Variants in GLG1 observed in about 807,000 individuals in gnomAD.
GLG1 encodes the protein golgi glycoprotein 1, also known as Golgi apparatus protein 1.
Under a neutral mutation model 160.5 loss-of-function variants are expected in GLG1, and 38 were observed. The ratio of observed to expected loss-of-function variants is 0.24; its 90% CI spans 0.18 to 0.31. The LOEUF is 0.31. Among genes scored for constraint, GLG1 ranks in the 10% least tolerant of loss-of-function variants. The pLI, the probability that GLG1 is intolerant of heterozygous loss-of-function variation, is 1.00. For synonymous variants in GLG1, 644 were observed against 543.4 expected (o/e 1.19, Z -2.57); for missense variants, 1,373 against 1,505.2 (o/e 0.91, Z 1.45).
chr16:74,526,628 G>A (rs959003491), intron 2 of GLG1, among the ~76,000 whole-genome samples: 18 of 152,176 alleles, frequency 1.2e-4, no homozygotes, highest in Non-Finnish European at 2.2e-4. Flanking sequence ...GGAGGCTGAG[G>A]TGGGAGGATC....
intron 1 of GLG1, among the ~76,000 whole-genome samples, chr16:74,533,939 G>A (rs959915522): frequency 6.6e-6 from 1 of 152,096 alleles, no homozygotes; most frequent in African/African-American, 2.4e-5. Context: ...TAAAGAAAAG[G>A]CAATAAAGAA....
At chr16:74,521,481 C>T (rs568293278) in intron 2 of GLG1, among the ~76,000 whole-genome samples, 17 of 151,956 alleles carry the variant, frequency 1.1e-4, no homozygotes, top group African/African-American at 4.1e-4. Context: ...CAAGGAGCAG[C>T]CAGAAGATTA....
intron 6 of GLG1, among the ~76,000 whole-genome samples, chr16:74,493,548 A>C (rs1326050541): frequency 1.3e-5 from 2 of 152,260 alleles, no homozygotes; most frequent in Non-Finnish European, 2.9e-5. Context: ...TTAAAATACA[A>C]TTATTCAATT....
intron 2 of GLG1, among the ~76,000 whole-genome samples, chr16:74,528,477 G>A (rs980505549): frequency 6.6e-6 from 1 of 151,926 alleles, no homozygotes; most frequent in African/African-American, 2.4e-5. Flanking sequence ...CTGCCTGCTT[G>A]TTGAGTTTTC....
intron 13 of GLG1, 21 bp from the exon 14 acceptor site, chr16:74,472,432 T>C: frequency 6.4e-7 from 1 of 1,557,830 alleles, no homozygotes; most frequent in Non-Finnish European, 8.8e-7. Flanking sequence ...TTAAATATAT[T>C]AATACTTCTG....
intron 1 of GLG1, among the ~76,000 whole-genome samples, chr16:74,569,436 GCTGCTTATCAA>G (rs1439591766): frequency 6.6e-6 from 1 of 152,150 alleles, no homozygotes; most frequent in African/African-American, 2.4e-5. Flanking sequence ...AACAATGCCA[GCTGCTTATCAA>G]CTGTCATTCA....
intron 1 of GLG1, among the ~76,000 whole-genome samples, chr16:74,554,951 G>C (rs963502029): frequency 1.3e-5 from 2 of 152,146 alleles, no homozygotes; most frequent in African/African-American, 4.8e-5. Context: ...AGGAGTTTGA[G>C]GCTGCAATGA....
rs1028886982 is a variant in GLG1 at position 74,452,175 on chromosome 16, C to T, written c.*992G>A. On this transcript the variant is annotated 3_prime_UTR_variant, in exon 26 of 26. Coordinates refer to ENST00000422840, the MANE Select transcript of GLG1 (RefSeq NM_001145667.2). ...TGAGTCAAACCTCTGGCTCCCACTT[C>T]CTGACCCACTGCTCCCCACACCCAT... 8.7e-6 allele frequency: 14 copies of T among 1,605,124 alleles called. No homozygotes were observed. The highest frequency in any genetic ancestry group is 1.2e-5 in the Non-Finnish European group (14 of 1,175,582).
intron 2 of GLG1, among the ~76,000 whole-genome samples, chr16:74,514,353 T>A (rs1156269748): frequency 6.6e-6 from 1 of 151,960 alleles, no homozygotes; most frequent in Non-Finnish European, 1.5e-5. Context: ...TTCACCAAGG[T>A]TGAAATGAAG....
chr16:74,496,723 C>G, intron 4 of GLG1, 79 bp from the exon 5 acceptor site: 1 of 735,940 alleles, frequency 1.4e-6, no homozygotes, highest in Non-Finnish European at 2.4e-6. Context: ...TACACACACA[C>G]ACACACACAC....
chr16:74,561,661 G>A (rs1415847287), intron 1 of GLG1, among the ~76,000 whole-genome samples: 4 of 152,154 alleles, frequency 2.6e-5, no homozygotes, highest in Non-Finnish European at 5.9e-5. Context: ...TATGTTCCAA[G>A]TCAAATTACC....
intron 2 of GLG1, among the ~76,000 whole-genome samples, chr16:74,522,617 G>C (rs1385589841): frequency 6.6e-6 from 1 of 152,084 alleles, no homozygotes; most frequent in Non-Finnish European, 1.5e-5. Flanking sequence ...TACACTGTCA[G>C]ACGTATGTAT....
intron 8 of GLG1, among the ~76,000 whole-genome samples, chr16:74,487,610 TA>T (rs2015839018): frequency 6.6e-6 from 1 of 151,986 alleles, no homozygotes; most frequent in African/African-American, 2.4e-5. Flanking sequence ...ATCGAATGAT[TA>T]CCAATGTTAC....
chr16:74,580,557 C>T (rs1405578409), intron 1 of GLG1, among the ~76,000 whole-genome samples: 1 of 152,012 alleles, frequency 6.6e-6, no homozygotes, highest in Non-Finnish European at 1.5e-5. Context: ...AATGTAAGAT[C>T]TAAAACTACA....
At position 74,496,492 on chromosome 16, in the gene GLG1, G is replaced by A. The variant is rs143259113; in HGVS notation, c.927C>T (p.Asp309=). The A allele has an allele frequency of 6.9e-4, 1,118 of 1,613,968 alleles. 1 individual carries two copies. Among genetic ancestry groups the A allele is most frequent in the Middle Eastern group, 1.8e-3 (11 of 6,062 alleles). ...AELSSDDFHL[D]RHLYFACRDD... Reference sequence around the variant, plus strand: ...CTCGGCAAGCAAAATATAAATGCCGGTCTAAGTGAAAGTCATCCGATGACA... The same window carrying A: ...CTCGGCAAGCAAAATATAAATGCCGATCTAAGTGAAAGTCATCCGATGACA... Residue 309 remains aspartate (D), a synonymous_variant, in exon 5 of 26, where the codon GAC becomes GAT. Transcript: ENST00000422840.
intron 11 of GLG1, among the ~76,000 whole-genome samples, chr16:74,479,398 C>A (rs891089638): frequency 6.7e-6 from 1 of 149,052 alleles, no homozygotes; most frequent in African/African-American, 2.5e-5. Context: ...AGAAAGATGC[C>A]GGGATGTGGG....
At chr16:74,567,554 CTTTTTTTT>C (rs869140658) in intron 1 of GLG1, among the ~76,000 whole-genome samples, 2 of 66,452 alleles carry the variant, frequency 3.0e-5, no homozygotes, top group Non-Finnish European at 5.2e-5. Context: ...GGTGCACTTT[CTTTTTTTT>C]TTTTTTTTTT....
At chr16:74,456,412 G>A (rs1490268802) in intron 25 of GLG1, 7 of 448,562 alleles carry the variant, frequency 1.6e-5, no homozygotes, top group East Asian at 1.4e-4. Flanking sequence ...TGCCTGCCTC[G>A]GCCTCCCAAA....
intron 25 of GLG1, among the ~76,000 whole-genome samples, chr16:74,455,334 G>A (rs955347276): frequency 6.6e-6 from 1 of 152,164 alleles, no homozygotes; most frequent in African/African-American, 2.4e-5. Context: ...GAGTAGGGAG[G>A]CGTGAGATGA....
Sources: gnomAD v4.1 joint callset for allele counts (sites outside exome capture counted in the v4.1 genomes callset) on GRCh38, gnomAD v4.1.1 for gene constraint, MANE v1.5 for transcripts, NCBI Gene and HGNC (gene_info 2026-07-23, HGNC 2026-07-21) for gene names.